NCK1: variants seen among roughly 807,000 people sequenced by gnomAD.
NCK1 encodes the protein SH2/SH3 adapter protein NCK1.
In NCK1, 19 loss-of-function variants were observed where a neutral mutation model predicts 36.6. That is an observed-to-expected ratio of 0.52 (90% confidence interval 0.36 to 0.76). NCK1 has a LOEUF of 0.76. Among genes scored for constraint, NCK1 ranks in the 30% least tolerant of loss-of-function variants. The pLI is 0.00. For missense variants in NCK1, 358 were observed against 445.6 expected (o/e 0.80, Z 1.77); for synonymous variants, 165 against 156.0 (o/e 1.06, Z -0.43).
intron 2 of NCK1, among the ~76,000 whole-genome samples, chr3:136,933,363 A>G (rs948131685): frequency 2.6e-5 from 4 of 152,236 alleles, no homozygotes; most frequent in Non-Finnish European, 4.4e-5. Flanking sequence ...ACCAGGTCAC[A>G]TAAGGAATAG....
At position 136,915,197 on chromosome 3, in the gene NCK1, C is replaced by T. The variant is rs142166305; in HGVS notation, c.-18-12787C>T. ...CTTAAGGAGGCTTCATCAAGTAGAT[C>T]ACATTACTACTAAGGGGTAGTAGTA... On this transcript the variant is annotated intron_variant, in intron 1 of 3. Coordinates refer to ENST00000481752, the MANE Select transcript of NCK1 (RefSeq NM_001291999.2). Among the ~76,000 whole-genome samples the T allele has an allele frequency of 6.5e-4, 99 of 152,236 alleles. 2 individuals carry two copies. The East Asian group carries it at 0.016, about 25-fold the overall frequency.
intron 1 of NCK1, among the ~76,000 whole-genome samples, chr3:136,880,158 G>A (rs1472255919): frequency 4.0e-5 from 6 of 151,796 alleles, no homozygotes; most frequent in Non-Finnish European, 8.8e-5. Flanking sequence ...GGTGGTGGGC[G>A]CCTGTAGTCC....
At chr3:136,908,553 C>T (rs540611424) in intron 1 of NCK1, among the ~76,000 whole-genome samples, 25 of 152,118 alleles carry the variant, frequency 1.6e-4, no homozygotes, top group Non-Finnish European at 1.6e-4. Context: ...ACACATGAAA[C>T]TGGAGACCAA....
chr3:136,869,657 A>G (rs1576939713), intron 1 of NCK1, among the ~76,000 whole-genome samples: 1 of 152,252 alleles, frequency 6.6e-6, no homozygotes, highest in Non-Finnish European at 1.5e-5. Flanking sequence ...TTTCTGTAAC[A>G]GAAACCATGT....
At chr3:136,926,384 C>T (rs1327204888) in intron 1 of NCK1, among the ~76,000 whole-genome samples, 1 of 152,052 alleles carries the variant, frequency 6.6e-6, no homozygotes, top group African/African-American at 2.4e-5. Context: ...AAGCCATTCT[C>T]CTGCCTCAGC....
At chr3:136,916,744 A>G (rs1237146585) in intron 1 of NCK1, among the ~76,000 whole-genome samples, 1 of 152,052 alleles carries the variant, frequency 6.6e-6, no homozygotes, top group East Asian at 1.9e-4. Flanking sequence ...TTAGAAAATA[A>G]AACAGTTTGT....
At chr3:136,902,436 C>G (rs577051524) in intron 1 of NCK1, among the ~76,000 whole-genome samples, 2 of 152,326 alleles carry the variant, frequency 1.3e-5, no homozygotes, top group South Asian at 4.1e-4. Context: ...CTCAGGCAAT[C>G]TGCCCACCTC....
chr3:136,918,839 A>G (rs2108119624), intron 1 of NCK1, among the ~76,000 whole-genome samples: 2 of 152,310 alleles, frequency 1.3e-5, no homozygotes, highest in South Asian at 4.1e-4. Context: ...TCTTGGCCTC[A>G]TTGTCTTGAT....
At chr3:136,916,639 GT>G (rs945699182) in intron 1 of NCK1, among the ~76,000 whole-genome samples, 2 of 152,120 alleles carry the variant, frequency 1.3e-5, no homozygotes, top group African/African-American at 4.8e-5. Context: ...TGTGTATGTT[GT>G]TTTGGAAATA....
chr3:136,920,564 C>G (rs1478693122), intron 1 of NCK1, among the ~76,000 whole-genome samples: 1 of 152,054 alleles, frequency 6.6e-6, no homozygotes, highest in Non-Finnish European at 1.5e-5. Context: ...ACATTACTGT[C>G]TATATGATTA....
At chr3:136,946,438 G>A (rs1241990561) in intron 3 of NCK1, 143 bp downstream of exon 3, 4 of 678,328 alleles carry the variant, frequency 5.9e-6, no homozygotes, top group Admixed American at 6.0e-5. Context: ...ATGTTCCAAA[G>A]CTAAAGTCCG....
At chr3:136,873,583 A>G (rs1381411378) in intron 1 of NCK1, among the ~76,000 whole-genome samples, 1 of 152,042 alleles carries the variant, frequency 6.6e-6, no homozygotes, top group African/African-American at 2.4e-5. Context: ...TGAAGACATG[A>G]TATTTGGGAG....
At position 136,948,135 on chromosome 3, in the gene NCK1, A is replaced by C. The variant is rs531617823; in HGVS notation, c.940-124A>C. On this transcript the variant is annotated intron_variant, in intron 3 of 3. Transcript: ENST00000481752. ...GAAGAGTAAAGGAGATAATCTATGT[A>C]AATAATTTACCATGGTGCCTAGGAC... 413 of 657,688 alleles carry C rather than the reference A, an allele frequency of 6.3e-4. 1 individual carries two copies. Among genetic ancestry groups the C allele is most frequent in the Admixed American group, 6.2e-4 (18 of 28,970 alleles). The allele number at this position is 657,688 out of a possible 1,614,324, so 40.7% of individuals were successfully genotyped here.
intron 1 of NCK1, among the ~76,000 whole-genome samples, chr3:136,909,274 T>C (rs145509298): frequency 1.3e-3 from 195 of 152,274 alleles, no homozygotes; most frequent in African/African-American, 4.4e-3. Flanking sequence ...AGGCAAATGG[T>C]GCAAAGAAAA....
At chr3:136,895,032 A>C (rs1313210790) in intron 1 of NCK1, among the ~76,000 whole-genome samples, 36 of 151,952 alleles carry the variant, frequency 2.4e-4, no homozygotes, top group African/African-American at 8.2e-4. Flanking sequence ...TGTGCCACCA[A>C]GCCCAGCTAA....
chr3:136,873,011 G>T (rs535948910), intron 1 of NCK1, among the ~76,000 whole-genome samples: 45 of 152,304 alleles, frequency 3.0e-4, no homozygotes, highest in African/African-American at 1.1e-3. Flanking sequence ...GGAAATGTGG[G>T]GTCAGAGCCC....
chr3:136,864,822 A>G (rs1248753232), intron 1 of NCK1, among the ~76,000 whole-genome samples: 1 of 140,038 alleles, frequency 7.1e-6, no homozygotes, highest in East Asian at 2.1e-4. Context: ...CAGTGGCACG[A>G]TCTTGGCTCA....
intron 1 of NCK1, among the ~76,000 whole-genome samples, chr3:136,906,850 A>G (rs761373708): frequency 2.6e-5 from 4 of 152,130 alleles, no homozygotes; most frequent in Non-Finnish European, 5.9e-5. Context: ...CTTAGGTGCC[A>G]ACAGTGGTGG....
chr3:136,902,582 T>C (rs570285345), intron 1 of NCK1, among the ~76,000 whole-genome samples: 1 of 152,320 alleles, frequency 6.6e-6, no homozygotes, highest in African/African-American at 2.4e-5. Flanking sequence ...TTGACACTTG[T>C]TTTGTGTCCT....
Sources: allele counts gnomAD v4.1 joint callset (sites outside exome capture counted in the v4.1 genomes callset), GRCh38; gene constraint gnomAD v4.1.1; transcripts MANE v1.5; gene names NCBI Gene and HGNC (gene_info 2026-07-23, HGNC 2026-07-21).